The following SLX9 variants were observed in gnomAD, a reference collection of about 807,000 sequenced individuals.
SLX9 encodes the protein SLX9 ribosome biogenesis factor, also known as ribosome biogenesis protein SLX9 homolog.
SLX9 carries 19 observed loss-of-function variants against 20.8 expected under a neutral mutation model. The observed-to-expected ratio is 0.91, with a 90% CI of 0.64 to 1.34. The LOEUF is 1.34. Among genes scored for constraint, SLX9 ranks in the 40% most tolerant of loss-of-function variants. The pLI is 0.00. For synonymous variants in SLX9, 113 were observed against 137.1 expected (o/e 0.82, Z 1.23); for missense variants, 299 against 322.2 (o/e 0.93, Z 0.55).
intron 3 of SLX9, among the ~76,000 whole-genome samples, chr21:44,966,466 T>G (rs1482832433): frequency 6.6e-6 from 1 of 152,170 alleles, no homozygotes; most frequent in Non-Finnish European, 1.5e-5. Flanking sequence ...TAAATACATT[T>G]TTAAATTAAA....
intron 5 of SLX9, among the ~76,000 whole-genome samples, chr21:44,974,930 TC>T (rs547656403): frequency 1.1e-4 from 16 of 152,320 alleles, no homozygotes; most frequent in African/African-American, 3.8e-4. Context: ...TTGCAGACTG[TC>T]TGTCGCCCGC....
At chr21:44,956,970 C>T (rs556225326) in intron 2 of SLX9, among the ~76,000 whole-genome samples, 17 of 152,312 alleles carry the variant, frequency 1.1e-4, no homozygotes, top group African/African-American at 3.6e-4. Context: ...TCTGGCGAGG[C>T]GGTTGCCTTG....
chr21:44,950,160 C>T (rs1231676525), intron 2 of SLX9, among the ~76,000 whole-genome samples: 3 of 151,438 alleles, frequency 2.0e-5, no homozygotes, highest in South Asian at 2.1e-4. Context: ...CCCACCCTGC[C>T]TGTGTCTCTG....
chr21:44,958,771 G>A (rs1273805984), intron 2 of SLX9, among the ~76,000 whole-genome samples: 2 of 152,186 alleles, frequency 1.3e-5, no homozygotes, highest in East Asian at 1.9e-4. Context: ...CTCTCCTCCT[G>A]CAGGAGCAGC....
intron 2 of SLX9, among the ~76,000 whole-genome samples, chr21:44,946,455 C>T (rs973061506): frequency 1.3e-5 from 2 of 150,752 alleles, no homozygotes; most frequent in East Asian, 3.9e-4. Flanking sequence ...AGCCGTGCGG[C>T]AGGGTCAGGG....
At chr21:44,952,729 GC>G (rs1048689116) in intron 2 of SLX9, among the ~76,000 whole-genome samples, 14 of 152,168 alleles carry the variant, frequency 9.2e-5, no homozygotes, top group Non-Finnish European at 1.6e-4. Flanking sequence ...TGCTCCGGGC[GC>G]CCCCCTGCCT....
intron 4 of SLX9, among the ~76,000 whole-genome samples, chr21:44,968,222 G>C (rs1483792165): frequency 1.3e-5 from 2 of 149,142 alleles, no homozygotes; most frequent in Non-Finnish European, 3.0e-5. Context: ...GCAACCCCCA[G>C]TGACACAACC....
In SLX9 at chr21:44,940,567, A is replaced by G. The variant is rs148789874; in HGVS notation, c.129+381A>G. On this transcript the variant is annotated intron_variant, in intron 1 of 5. Transcript: ENST00000291634. ...GAAGAGAGACCCCGTTCCCTTTAGC[A>G]GTCGGCTGGCCTGTTTCTCCATCCC... 6.4e-3 allele frequency among the ~76,000 whole-genome samples: 972 copies of G among 152,314 alleles called. 13 individuals are homozygous for G. Among genetic ancestry groups the G allele is most frequent in the African/African-American group, 0.023 (940 of 41,574 alleles).
At chr21:44,962,728 T>C (rs951082498) in intron 3 of SLX9, among the ~76,000 whole-genome samples, 1 of 152,158 alleles carries the variant, frequency 6.6e-6, no homozygotes, top group African/African-American at 2.4e-5. Flanking sequence ...TGTTTAGTTT[T>C]ATAAGCAGCT....
At chr21:44,971,343 G>A (rs1369261211) in intron 4 of SLX9, among the ~76,000 whole-genome samples, 7 of 151,468 alleles carry the variant, frequency 4.6e-5, no homozygotes, top group African/African-American at 7.3e-5. Flanking sequence ...GACGGTAACC[G>A]CCCAGCACTC....
intron 2 of SLX9, among the ~76,000 whole-genome samples, chr21:44,947,770 A>G (rs1295590556): frequency 6.6e-6 from 1 of 152,046 alleles, no homozygotes; most frequent in Non-Finnish European, 1.5e-5. Context: ...GGAGGAGGGC[A>G]TGGGTGCAGG....
In SLX9 at chr21:44,955,672, G is replaced by C. The variant is rs74275776; in HGVS notation, c.284-4428G>C. 1.8e-3 allele frequency among the ~76,000 whole-genome samples: 267 copies of C among 152,262 alleles called. 6 individuals carry two copies. The East Asian group carries it at 0.047, about 27-fold the overall frequency. ...GCAGCTGGGACCACAGGCACGTGCT[G>C]CTGCTCCCGGCCCCCTCTTTTCTTT... On this transcript the variant is annotated intron_variant, in intron 2 of 5. Transcript: ENST00000291634.
At chr21:44,947,122 G>T (rs1301090914) in intron 2 of SLX9, among the ~76,000 whole-genome samples, 1 of 152,146 alleles carries the variant, frequency 6.6e-6, no homozygotes, top group African/African-American at 2.4e-5. Flanking sequence ...TTTTGGTGTG[G>T]TCTCCTCAGC....
At chr21:44,953,542 C>T (rs1365197377) in intron 2 of SLX9, among the ~76,000 whole-genome samples, 2 of 151,232 alleles carry the variant, frequency 1.3e-5, no homozygotes, top group Non-Finnish European at 2.9e-5. Flanking sequence ...TGTCCTGCAC[C>T]ATCCCCGGCG....
intron 3 of SLX9, among the ~76,000 whole-genome samples, chr21:44,966,343 C>T (rs2085033809): frequency 6.6e-6 from 1 of 152,188 alleles, no homozygotes; most frequent in Non-Finnish European, 1.5e-5. Context: ...GAGCTGCAGG[C>T]CTGTCCCGGT....
At chr21:44,954,725 C>T (rs565098968) in intron 2 of SLX9, among the ~76,000 whole-genome samples, 4 of 152,156 alleles carry the variant, frequency 2.6e-5, no homozygotes, top group South Asian at 2.1e-4. Context: ...CTCTTCTCTG[C>T]GGTGCTGCTG....
At chr21:44,968,294 A>G (rs950750699) in intron 4 of SLX9, among the ~76,000 whole-genome samples, 2 of 151,208 alleles carry the variant, frequency 1.3e-5, no homozygotes, top group East Asian at 1.9e-4. Context: ...CCGCCACCCA[A>G]TGAAGATACC....
At chr21:44,964,325 AT>A (rs1219250180) in intron 3 of SLX9, among the ~76,000 whole-genome samples, 1 of 151,772 alleles carries the variant, frequency 6.6e-6, no homozygotes, top group Non-Finnish European at 1.5e-5. Context: ...GTATGTGTGG[AT>A]TTTTTCCCTC....
At chr21:44,974,905 C>T (rs373208758) in intron 5 of SLX9, among the ~76,000 whole-genome samples, 47 of 152,326 alleles carry the variant, frequency 3.1e-4, no homozygotes, top group African/African-American at 1.1e-3. Flanking sequence ...CTGGACAGGG[C>T]GACGGGTTTT....
Sources: gnomAD v4.1 joint callset for allele counts (sites outside exome capture counted in the v4.1 genomes callset) on GRCh38, gnomAD v4.1.1 for gene constraint, MANE v1.5 for transcripts, NCBI Gene and HGNC (gene_info 2026-07-23, HGNC 2026-07-21) for gene names.